Variants in DMD observed in about 807,000 individuals in gnomAD.
DMD encodes dystrophin.
Under a neutral mutation model 330.1 loss-of-function variants are expected in DMD, and 63 were observed. The ratio of observed to expected loss-of-function variants is 0.19; its 90% confidence interval spans 0.16 to 0.24. The LOEUF (loss-of-function observed/expected upper bound fraction) is 0.24, where lower values mean the gene tolerates loss of function less well. Among genes scored for constraint, DMD ranks in the 10% least tolerant of loss-of-function variants. DMD has a pLI of 1.00. For missense variants in DMD, 3,344 were observed against 2,684.1 expected (o/e 1.25, Z -5.43); for synonymous variants, 1,223 against 959.8 (o/e 1.27, Z -5.07).
chrX:32,649,226 G>A (rs1195763417), intron 9 of DMD, among the ~76,000 whole-genome samples: 2 of 109,148 alleles, frequency 1.8e-5, no homozygotes, highest in Non-Finnish European at 3.8e-5. Context: ...ATTAGATATT[G>A]TCACCTATGT....
intron 54 of DMD, among the ~76,000 whole-genome samples, chrX:31,651,537 C>G (rs770543187): frequency 9.0e-6 from 1 of 111,665 alleles, no homozygotes; most frequent in Admixed American, 9.5e-5. Flanking sequence ...ATCCAGCTAT[C>G]TACTCCACAC....
chrX:31,327,845 A>G (rs1283826141), intron 61 of DMD, among the ~76,000 whole-genome samples: 1 of 112,532 alleles, frequency 8.9e-6, no homozygotes, highest in Non-Finnish European at 1.9e-5. Flanking sequence ...ATATTGCTGT[A>G]TCAACGATTT....
intron 13 of DMD, among the ~76,000 whole-genome samples, chrX:32,582,030 A>G (rs2053708653): frequency 8.9e-6 from 1 of 111,926 alleles, no homozygotes; most frequent in Non-Finnish European, 1.9e-5. Flanking sequence ...AATATTAAGA[A>G]CAGAAGGTAT....
At chrX:32,883,825 A>G in intron 2 of DMD, among the ~76,000 whole-genome samples, 1 of 68,633 alleles carries the variant, frequency 1.5e-5, no homozygotes. Flanking sequence ...CTCTGTTTCA[A>G]AAAAAAAAAA....
intron 2 of DMD, among the ~76,000 whole-genome samples, chrX:32,858,124 T>A (rs1484802861): frequency 9.0e-6 from 1 of 111,535 alleles, no homozygotes; most frequent in Non-Finnish European, 1.9e-5. Flanking sequence ...TTCACCATAT[T>A]CTCTAATAGA....
At chrX:32,557,104 C>T (rs897359752) in intron 16 of DMD, among the ~76,000 whole-genome samples, 3 of 111,045 alleles carry the variant, frequency 2.7e-5, no homozygotes, top group Non-Finnish European at 5.7e-5. Flanking sequence ...CACAATGGCC[C>T]TAAGAGTAAG....
intron 7 of DMD, among the ~76,000 whole-genome samples, chrX:32,770,470 T>C (rs2073485076): frequency 1.8e-5 from 2 of 111,855 alleles, no homozygotes; most frequent in Admixed American, 1.9e-4. Flanking sequence ...TACGTGTTCT[T>C]GGAGTTCCTT....
chrX:32,803,096 C>T (rs1274969689), intron 7 of DMD, among the ~76,000 whole-genome samples: 1 of 111,584 alleles, frequency 9.0e-6, no homozygotes, highest in African/African-American at 3.3e-5. Context: ...CTGTCTGGTC[C>T]TGGGCTTTTT....
intron 55 of DMD, among the ~76,000 whole-genome samples, chrX:31,519,021 A>G (rs1284142312): frequency 8.9e-6 from 1 of 111,967 alleles, no homozygotes; most frequent in Non-Finnish European, 1.9e-5. Context: ...GAGCACTGAT[A>G]GGAATGGTCA....
intron 55 of DMD, among the ~76,000 whole-genome samples, chrX:31,558,487 T>C (rs901640706): frequency 6.3e-5 from 7 of 111,488 alleles, no homozygotes; most frequent in African/African-American, 2.0e-4. Flanking sequence ...CCAAGAGATG[T>C]TGAGGCTTCA....
chrX:33,112,882 G>C (rs2148441826), intron 1 of DMD, among the ~76,000 whole-genome samples: 1 of 108,602 alleles, frequency 9.2e-6, no homozygotes, highest in East Asian at 3.0e-4. Context: ...GAACCTGGGA[G>C]GCAGAGGTTG....
chrX:31,935,117 A>G (rs1008920290), intron 45 of DMD, among the ~76,000 whole-genome samples: 4 of 111,570 alleles, frequency 3.6e-5, no homozygotes, highest in African/African-American at 1.3e-4. Context: ...GATTCCAAAC[A>G]TTCATTGAAG....
intron 54 of DMD, among the ~76,000 whole-genome samples, chrX:31,655,384 T>C (rs186286726): frequency 8.1e-5 from 9 of 110,912 alleles, no homozygotes; most frequent in African/African-American, 2.3e-4. Flanking sequence ...CGATGAATTG[T>C]GCCTTGAGTC....
At chrX:32,715,349 C>T (rs187578032) in intron 7 of DMD, among the ~76,000 whole-genome samples, 31 of 107,749 alleles carry the variant, frequency 2.9e-4, no homozygotes, top group South Asian at 2.1e-3. Context: ...TGGTGGTGTG[C>T]GCCTGTAATC....
intron 2 of DMD, among the ~76,000 whole-genome samples, chrX:33,009,476 GTGTATACACATGTGTGTATA>G (rs1325666836): frequency 1.2e-5 from 1 of 80,066 alleles, no homozygotes; most frequent in Admixed American, 1.3e-4. Flanking sequence ...ATGTGTGTAT[GTGTATACACATGTGTGTATA>G]TGTATATGTG....
chrX:31,232,035 G>A (rs1268416796), intron 63 of DMD, among the ~76,000 whole-genome samples: 1 of 102,620 alleles, frequency 9.7e-6, no homozygotes, highest in Non-Finnish European at 2.0e-5. Flanking sequence ...AGGATGATGG[G>A]AGCGTGCCAG....
chrX:32,485,557 G>C (rs995238042), intron 20 of DMD, among the ~76,000 whole-genome samples: 4 of 108,704 alleles, frequency 3.7e-5, no homozygotes, highest in Non-Finnish European at 7.6e-5. Flanking sequence ...ATATGTATAT[G>C]TGTATACTAT....
intron 1 of DMD, among the ~76,000 whole-genome samples, chrX:33,333,090 T>C (rs1023842772): frequency 9.0e-6 from 1 of 110,552 alleles, no homozygotes; most frequent in Non-Finnish European, 1.9e-5. Context: ...GGTAGAGCCG[T>C]CCTCTTACCA....
In DMD at chrX:32,085,286, A is replaced by G. The variant is rs7887780; in HGVS notation, c.6439-116772T>C. Among the ~76,000 whole-genome samples the G allele has an allele frequency of 5.6e-3, 620 of 110,146 alleles. 7 individuals are homozygous for G. Among genetic ancestry groups the G allele is most frequent in the African/African-American group, 0.018 (561 of 30,337 alleles). ...CATACATATACACATATTTATTTTT[A>G]TTTAAATAATTTTTTATTTGTATGA... On this transcript the variant is annotated intron_variant, in intron 44 of 78. Transcript: ENST00000357033.
Sources: allele counts gnomAD v4.1 joint callset (sites outside exome capture counted in the v4.1 genomes callset), GRCh38; gene constraint gnomAD v4.1.1; transcripts MANE v1.5; gene names NCBI Gene and HGNC (gene_info 2026-07-23, HGNC 2026-07-21).